The following MTMR3 variants were observed in gnomAD, a reference collection of about 807,000 sequenced individuals.
MTMR3 encodes the protein myotubularin related protein 3, also known as phosphatidylinositol-3,5-bisphosphate 3-phosphatase MTMR3.
MTMR3 carries 32 observed loss-of-function variants against 132.4 expected under a neutral mutation model. The observed-to-expected ratio is 0.24, with a 90% CI of 0.18 to 0.32. The LOEUF is 0.32. Ranked by LOEUF, MTMR3 falls within the 10% of genes least tolerant of loss-of-function variation. The pLI, the probability that MTMR3 is intolerant of heterozygous loss-of-function variation, is 1.00. For synonymous variants in MTMR3, 556 were observed against 550.3 expected (o/e 1.01, Z -0.14); for missense variants, 1,216 against 1,489.6 (o/e 0.82, Z 3.02).
rs34749290 is a variant in MTMR3, at chr22:29,970,935, C to CTTTTTTTTTT, written c.-84-40_-84-31dup. On this transcript the variant is annotated intron_variant, in intron 2 of 19. Coordinates refer to ENST00000401950, the MANE Select transcript of MTMR3 (RefSeq NM_021090.4). ...TATTGCCAATTTTGCCTCCCCTCCT[C>CTTTTTTTTTT]TTTTTTTTTTCTTCTTCCCCCTCTT... 2.9e-5 allele frequency: 13 copies of CTTTTTTTTTT among 444,108 alleles called. 1 individual carries two copies. Among genetic ancestry groups the CTTTTTTTTTT allele is most frequent in the South Asian group, 9.0e-5 (3 of 33,182 alleles). The allele number at this position is 444,108 out of a possible 1,614,324, so 27.5% of individuals were successfully genotyped here. A position where few individuals can be genotyped will look rare whatever the true frequency, so the allele number is the denominator to read the frequency against.
At chr22:29,971,548 C>G (rs1048730640) in intron 3 of MTMR3, among the ~76,000 whole-genome samples, 20 of 152,074 alleles carry the variant, frequency 1.3e-4, no homozygotes, top group African/African-American at 4.8e-4. Context: ...ATGGCTAAAT[C>G]AAGCTGATTA....
intron 1 of MTMR3, among the ~76,000 whole-genome samples, chr22:29,954,966 C>CT (rs531599851): frequency 1.3e-5 from 2 of 152,100 alleles, no homozygotes; most frequent in African/African-American, 4.8e-5. Context: ...GCTCTGCTTC[C>CT]TTTTTTTCCA....
At chr22:29,901,379 T>C (rs1285009571) in intron 1 of MTMR3, among the ~76,000 whole-genome samples, 1 of 152,186 alleles carries the variant, frequency 6.6e-6, no homozygotes, top group Non-Finnish European at 1.5e-5. Context: ...GACCAAAGTT[T>C]AGTGTTCTTG....
chr22:29,950,363 A>ATTTTTTTTT (rs138439307), intron 1 of MTMR3, among the ~76,000 whole-genome samples: 4 of 149,622 alleles, frequency 2.7e-5, no homozygotes, highest in Non-Finnish European at 3.0e-5. Flanking sequence ...TTATTTTTTT[A>ATTTTTTTTT]TTTATTTTTT....
chr22:29,967,242 C>CGCGT (rs1555908355), intron 2 of MTMR3, among the ~76,000 whole-genome samples: 3 of 146,612 alleles, frequency 2.0e-5, no homozygotes, highest in African/African-American at 2.5e-5. Flanking sequence ...TGCATGCGCG[C>CGCGT]GCGCGCGCAT....
Position 29,906,282 on chromosome 22 carries a change from GTCTGTCTATCTATCTATCTA to G in MTMR3, c.-138+22927_-138+22946del, listed in dbSNP as rs1401246271. 2.9e-3 allele frequency among the ~76,000 whole-genome samples: 258 copies of G among 87,810 alleles called. 2 individuals carry two copies. The highest frequency in any genetic ancestry group is 0.015 in the East Asian group (41 of 2,674). The allele number at this position is 87,810 out of a possible 152,430, so 57.6% of individuals were successfully genotyped here. A position where few individuals can be genotyped will look rare whatever the true frequency, so the allele number is the denominator to read the frequency against. The stretch of plus-strand genomic sequence containing the variant: ...TGTCTGTCTGTCTGTCTGTCTGTCT[GTCTGTCTATCTATCTATCTA>G]TCTATCTATCTATCTATCTATCTAT... On this transcript the variant is annotated intron_variant, in intron 1 of 19. Transcript: ENST00000401950.
intron 1 of MTMR3, among the ~76,000 whole-genome samples, chr22:29,895,101 A>T (rs1186426872): frequency 1.3e-5 from 2 of 152,122 alleles, no homozygotes; most frequent in African/African-American, 4.8e-5. Flanking sequence ...CCAGCTACTC[A>T]GGAGGCTGAG....
intron 1 of MTMR3, among the ~76,000 whole-genome samples, chr22:29,896,877 A>T (rs1419039686): frequency 4.0e-5 from 6 of 150,130 alleles, no homozygotes; most frequent in Non-Finnish European, 8.9e-5. Context: ...TCTCACACAC[A>T]CACACACACA....
intron 1 of MTMR3, among the ~76,000 whole-genome samples, chr22:29,925,042 TA>T (rs1179147924): frequency 6.6e-6 from 1 of 152,240 alleles, no homozygotes; most frequent in Non-Finnish European, 1.5e-5. Context: ...AAATTTATTT[TA>T]TTTTTTTGGA....
chr22:30,012,184 G>A (rs2067449161), intron 12 of MTMR3, 184 bp from the exon 13 acceptor site: 1 of 614,462 alleles, frequency 1.6e-6, no homozygotes. Context: ...CTTCTCTATT[G>A]TATAGTAGGG....
rs935392069 is a variant in MTMR3 at position 30,012,195 on chromosome 22, C to T, written c.1122-173C>T. The T allele has an allele frequency of 2.6e-5, 17 of 644,078 alleles. No individual in the cohort carries two copies. In the Admixed American group the frequency reaches 4.4e-4, roughly 17 times the overall value. 39.9% of individuals were successfully genotyped at this position (644,078 alleles called of 1,614,324 possible). A position where few individuals can be genotyped will look rare whatever the true frequency, so the allele number is the denominator to read the frequency against. On this transcript the variant is annotated intron_variant, in intron 12 of 19. Coordinates refer to ENST00000401950, the MANE Select transcript of MTMR3 (RefSeq NM_021090.4). ...GGCTCTTCTCTATTGTATAGTAGGGCTTGGGCCTCATCCTGAGACATGCTT... is the reference window on the plus strand; with the variant it reads ...GGCTCTTCTCTATTGTATAGTAGGGTTTGGGCCTCATCCTGAGACATGCTT...
At chr22:30,003,310 T>C (rs897907396) in intron 9 of MTMR3, 3 of 193,558 alleles carry the variant, frequency 1.5e-5, no homozygotes, top group African/African-American at 7.0e-5. Flanking sequence ...CTTCAGCTGT[T>C]AGCAGGGCTT....
intron 1 of MTMR3, among the ~76,000 whole-genome samples, chr22:29,910,990 T>C (rs1340555041): frequency 2.6e-5 from 4 of 152,224 alleles, no homozygotes; most frequent in Non-Finnish European, 1.5e-5. Context: ...ATTAGGGATC[T>C]GCGTCCAACA....
rs751483874 is a variant in MTMR3, at chr22:30,025,655, A to C, written c.3451A>C (p.Ser1151Arg). ...CRNCGNVFCS[S>R]CCNQKVPVPS... is the part of the protein sequence containing the mutation. The stretch of plus-strand genomic sequence containing the variant: ...GAATTGTGGGAACGTATTCTGCTCC[A>C]GTTGTTGTAACCAGAAGGTTCCAGT... The change falls in exon 20 of 20, where the codon AGT becomes CGT. Residue 1151 changes from serine to arginine, a missense_variant. Ser to Arg is a moderately radical substitution (Grantham distance 110). This residue lies in a region of MTMR3 where 852 missense variants were observed against 852.0 expected (regional missense o/e 1.00). Transcript: ENST00000401950. The C allele has an allele frequency of 6.2e-7, 1 of 1,614,210 alleles. No individual in the cohort carries two copies. Among genetic ancestry groups the C allele is most frequent in the South Asian group, 1.1e-5 (1 of 91,084 alleles).
At chr22:29,922,533 C>G in intron 1 of MTMR3, among the ~76,000 whole-genome samples, 1 of 151,716 alleles carries the variant, frequency 6.6e-6, no homozygotes, top group East Asian at 1.9e-4. Context: ...TTTTGTTTAC[C>G]CATTTATCCA....
intron 1 of MTMR3, among the ~76,000 whole-genome samples, chr22:29,920,287 G>A (rs2065385925): frequency 6.6e-6 from 1 of 151,818 alleles, no homozygotes; most frequent in South Asian, 2.1e-4. Flanking sequence ...GAACTCGTTG[G>A]TTATTCCTTA....
intron 1 of MTMR3, among the ~76,000 whole-genome samples, chr22:29,915,429 GTTCA>G (rs1023866493): frequency 2.0e-5 from 3 of 151,884 alleles, no homozygotes; most frequent in African/African-American, 7.3e-5. Context: ...TCATTCATTT[GTTCA>G]TTCATTGAGA....
chr22:29,891,805 G>T (rs557245200), intron 1 of MTMR3, among the ~76,000 whole-genome samples: 2 of 152,040 alleles, frequency 1.3e-5, no homozygotes, highest in South Asian at 4.2e-4. Context: ...GCTTGTTTTT[G>T]GGCATTTCAC....
intron 1 of MTMR3, among the ~76,000 whole-genome samples, chr22:29,883,658 A>T (rs1602395072): frequency 6.6e-6 from 1 of 151,668 alleles, no homozygotes; most frequent in Admixed American, 6.6e-5. Flanking sequence ...CCTGGCGGGG[A>T]TGGGCCCGTG....
Sources: allele counts gnomAD v4.1 joint callset (sites outside exome capture counted in the v4.1 genomes callset), GRCh38; gene constraint gnomAD v4.1.1; regional missense constraint gnomAD v4.1.1; transcripts MANE v1.5; gene names NCBI Gene and HGNC (gene_info 2026-07-23, HGNC 2026-07-21).